Variants in RREB1 observed in about 807,000 individuals in gnomAD.
The protein encoded by RREB1 is ras responsive element binding protein 1, also known as ras-responsive element-binding protein 1.
In RREB1, 27 loss-of-function variants were observed where a neutral mutation model predicts 117.8. The observed-to-expected ratio is 0.23, with a 90% CI of 0.17 to 0.32. The LOEUF (loss-of-function observed/expected upper bound fraction) is 0.32, where lower values mean the gene tolerates loss of function less well. RREB1 is among the 10% of genes least tolerant of loss of function. The pLI is 1.00. For missense variants in RREB1, 2,577 were observed against 2,378.2 expected (o/e 1.08, Z -1.74); for synonymous variants, 1,298 against 1,026.7 (o/e 1.26, Z -5.05).
At chr6:7,221,648 C>T (rs1006553872) in intron 8 of RREB1, among the ~76,000 whole-genome samples, 10 of 152,064 alleles carry the variant, frequency 6.6e-5, no homozygotes, top group African/African-American at 2.4e-4. Flanking sequence ...TGCTTAGACT[C>T]TGTTAGGAGG....
Position 7,229,646 on chromosome 6 carries a change from G to C in RREB1, c.1547G>C (p.Arg516Pro). ...PLKPKPLVTPRTVVATSTPPP... is the reference protein window; with the variant it reads ...PLKPKPLVTPPTVVATSTPPP... The stretch of plus-strand genomic sequence containing the variant: ...AAGCCAAAGCCCCTGGTCACACCAC[G>C]GACGGTGGTGGCCACCTCCACGCCC... The change falls in exon 10 of 13, where the codon CGG becomes CCG. Residue 516 changes from arginine (R) to proline (P), a missense_variant. By Grantham distance (103) the Arg-to-Pro change is moderately radical. Coordinates refer to ENST00000379938, the MANE Select transcript of RREB1 (RefSeq NM_001003699.4). This position sits in a 1 kb window ranked among gnomAD's most constrained non-coding sequence, Gnocchi z 4.5. 1 of 1,612,592 alleles carries C rather than the reference G, an allele frequency of 6.2e-7. No homozygotes were observed. Among genetic ancestry groups the C allele is most frequent in the Non-Finnish European group, 8.5e-7 (1 of 1,179,596 alleles).
intron 1 of RREB1, among the ~76,000 whole-genome samples, chr6:7,119,160 G>C (rs964115219): frequency 6.6e-6 from 1 of 151,980 alleles, no homozygotes; most frequent in Non-Finnish European, 1.5e-5. Flanking sequence ...AGACCAGCCT[G>C]GCTAGTATGG....
intron 10 of RREB1, among the ~76,000 whole-genome samples, chr6:7,234,807 T>C (rs1768221383): frequency 6.6e-6 from 1 of 152,182 alleles, no homozygotes; most frequent in Non-Finnish European, 1.5e-5. Flanking sequence ...CCTACAGCCA[T>C]ATGGGGAATA....
chr6:7,191,564 TG>T (rs1042941183), intron 6 of RREB1, among the ~76,000 whole-genome samples: 11 of 152,302 alleles, frequency 7.2e-5, no homozygotes, highest in African/African-American at 1.2e-4. Context: ...ACTTTCAATT[TG>T]GGGGTATTGC....
chr6:7,154,201 A>G (rs1763255591), intron 1 of RREB1, among the ~76,000 whole-genome samples: 2 of 152,376 alleles, frequency 1.3e-5, no homozygotes, highest in African/African-American at 4.8e-5. Context: ...AGCCTAGAAC[A>G]TAATGACACT....
chr6:7,135,458 C>T (rs934144417), intron 1 of RREB1, among the ~76,000 whole-genome samples: 3 of 152,188 alleles, frequency 2.0e-5, no homozygotes, highest in Non-Finnish European at 4.4e-5. Context: ...TGACTTCATT[C>T]TCTTGTGGTT....
chr6:7,199,885 G>A (rs1765857368), intron 6 of RREB1, among the ~76,000 whole-genome samples: 1 of 151,944 alleles, frequency 6.6e-6, no homozygotes, highest in African/African-American at 2.4e-5. Flanking sequence ...GAGATTCTGT[G>A]GTTCTTTCCA....
intron 6 of RREB1, among the ~76,000 whole-genome samples, chr6:7,196,229 TTG>T (rs1292888755): frequency 4.1e-5 from 6 of 146,026 alleles, no homozygotes; most frequent in East Asian, 4.0e-4. Flanking sequence ...TTTTTTTTTT[TTG>T]TTTTTTTTTT....
chr6:7,237,374 T>G (rs1286176750), intron 10 of RREB1, among the ~76,000 whole-genome samples: 1 of 151,038 alleles, frequency 6.6e-6, no homozygotes, highest in Non-Finnish European at 1.5e-5. Flanking sequence ...GGTGTGAGCC[T>G]CCGTGCCGGC....
In RREB1 at chr6:7,231,066, G is replaced by A; in HGVS notation, c.2967G>A (p.Leu989=). The A allele has an allele frequency of 6.2e-7, 1 of 1,613,478 alleles. No homozygotes were observed. Among genetic ancestry groups the A allele is most frequent in the Non-Finnish European group, 8.5e-7 (1 of 1,179,926 alleles). ...TAACTTTGGGGCCCAGCGGAATCCT[G>A]GAAAGCCCCATGGCCCCTGCTCCGG... The part of the protein sequence containing the change: ...LPVTLGPSGI[L]ESPMAPAPAA... Residue 989 remains leucine (L), a synonymous_variant, in exon 10 of 13, where the codon CTG becomes CTA. Coordinates refer to ENST00000379938, the MANE Select transcript of RREB1 (RefSeq NM_001003699.4).
chr6:7,152,679 A>G (rs1278753027), intron 1 of RREB1, among the ~76,000 whole-genome samples: 1 of 152,230 alleles, frequency 6.6e-6, no homozygotes, highest in African/African-American at 2.4e-5. Flanking sequence ...GAACTTGAGA[A>G]GGCCAGGAGC....
chr6:7,117,925 G>A (rs1488379337), intron 1 of RREB1, among the ~76,000 whole-genome samples: 1 of 151,924 alleles, frequency 6.6e-6, no homozygotes, highest in African/African-American at 2.4e-5. Flanking sequence ...CATAGTGTGT[G>A]GAAGTTCTTG....
At chr6:7,204,127 AGCACAGGTGCTTACGC>A (rs1300768225) in intron 6 of RREB1, among the ~76,000 whole-genome samples, 1 of 152,240 alleles carries the variant, frequency 6.6e-6, no homozygotes, top group African/African-American at 2.4e-5. Context: ...TTTGGAGGTC[AGCACAGGTGCTTACGC>A]ATTGTCTAAC....
intron 1 of RREB1, among the ~76,000 whole-genome samples, chr6:7,140,033 CAG>C (rs1367444890): frequency 2.6e-5 from 4 of 152,140 alleles, no homozygotes; most frequent in African/African-American, 9.7e-5. Flanking sequence ...CTGCAAGAGA[CAG>C]ATGAAAATGA....
intron 1 of RREB1, among the ~76,000 whole-genome samples, chr6:7,146,749 C>G (rs1392590175): frequency 1.4e-5 from 2 of 148,080 alleles, no homozygotes; most frequent in African/African-American, 2.5e-5. Context: ...TCTGGTGTGT[C>G]GTGGCTTTCT....
chr6:7,141,839 A>G (rs1762609190), intron 1 of RREB1, among the ~76,000 whole-genome samples: 1 of 152,256 alleles, frequency 6.6e-6, no homozygotes, highest in African/African-American at 2.4e-5. Flanking sequence ...TGGCCGGGCC[A>G]GGAAGCAGGG....
At chr6:7,152,125 A>G (rs1763151947) in intron 1 of RREB1, among the ~76,000 whole-genome samples, 1 of 152,242 alleles carries the variant, frequency 6.6e-6, no homozygotes, top group Non-Finnish European at 1.5e-5. Flanking sequence ...GGAGAGTGAT[A>G]GTAAGATGTG....
At chr6:7,112,963 CT>C (rs1761217469) in intron 1 of RREB1, among the ~76,000 whole-genome samples, 5 of 152,134 alleles carry the variant, frequency 3.3e-5, no homozygotes. Context: ...ATCGGTGCAT[CT>C]TATTTCTGGT....
At chr6:7,181,769 T>A in intron 3 of RREB1, 101 bp from the exon 4 acceptor site, 1 of 836,078 alleles carries the variant, frequency 1.2e-6, no homozygotes, top group Non-Finnish European at 2.0e-6. Flanking sequence ...GTTGGATGTT[T>A]TTGACCTGAA....
Sources: gnomAD v4.1 joint callset for allele counts (sites outside exome capture counted in the v4.1 genomes callset) on GRCh38, gnomAD v4.1.1 for gene constraint, Gnocchi (gnomAD v3.1) non-coding constraint, MANE v1.5 for transcripts, NCBI Gene and HGNC (gene_info 2026-07-23, HGNC 2026-07-21) for gene names.